The following TRAF3 variants were observed in gnomAD, a reference collection of about 807,000 sequenced individuals.
TRAF3 encodes the protein TNF receptor-associated factor 3.
Under a neutral mutation model 62.3 loss-of-function variants are expected in TRAF3, and 13 were observed. That is an observed-to-expected ratio of 0.21 (90% CI 0.14 to 0.33). The LOEUF (loss-of-function observed/expected upper bound fraction) is 0.33, where lower values mean the gene tolerates loss of function less well. TRAF3 is among the 10% of genes least tolerant of loss of function. TRAF3 has a pLI of 1.00. For missense variants in TRAF3, 440 were observed against 741.8 expected (o/e 0.59, Z 4.73); for synonymous variants, 269 against 283.4 (o/e 0.95, Z 0.51).
intron 6 of TRAF3, among the ~76,000 whole-genome samples, chr14:102,883,552 ATGGGTGTTCACTATG>A (rs1368601902): frequency 6.6e-6 from 1 of 151,944 alleles, no homozygotes; most frequent in East Asian, 1.9e-4. Flanking sequence ...TGTTGGCTTC[ATGGGTGTTCACTATG>A]TAGTTATGCT....
At position 102,870,269 on chromosome 14, in the gene TRAF3, C is replaced by T. The variant is rs774134145; in HGVS notation, c.68C>T (p.Thr23Ile). 1 of 1,614,240 alleles carries T rather than the reference C, an allele frequency of 6.2e-7. No homozygotes were observed. Among genetic ancestry groups the T allele is most frequent in the East Asian group, 2.2e-5 (1 of 44,878 alleles). Residue 23 changes from threonine to isoleucine, a missense_variant, in exon 3 of 12, where the codon ACT becomes ATT. Thr to Ile is a moderately conservative substitution (Grantham distance 89). Transcript: ENST00000392745. ...ACTAACCCGCCGCTAAAGCTGCACACTGACCGCAGTGCTGGGACGCCAGTT... is the reference window on the plus strand; with the variant it reads ...ACTAACCCGCCGCTAAAGCTGCACATTGACCGCAGTGCTGGGACGCCAGTT... ...LQTNPPLKLH[T>I]DRSAGTPVFV...
At chr14:102,846,959 T>C (rs1595358737) in intron 2 of TRAF3, among the ~76,000 whole-genome samples, 1 of 152,340 alleles carries the variant, frequency 6.6e-6, no homozygotes, top group Non-Finnish European at 1.5e-5. Context: ...CTGGTATTTA[T>C]GTAATAACTT....
chr14:102,900,841 A>G (rs1890259199), intron 10 of TRAF3, among the ~76,000 whole-genome samples: 1 of 152,230 alleles, frequency 6.6e-6, no homozygotes, highest in Non-Finnish European at 1.5e-5. Flanking sequence ...GTTGATGTGG[A>G]GTGCAGTCTG....
chr14:102,864,610 T>G (rs1887876075), intron 2 of TRAF3, among the ~76,000 whole-genome samples: 1 of 152,202 alleles, frequency 6.6e-6, no homozygotes, highest in South Asian at 2.1e-4. Context: ...ACGTACACCT[T>G]ACTTGGTTAC....
intron 9 of TRAF3, 117 bp from the exon 10 acceptor site, chr14:102,897,144 C>A: frequency 1.0e-6 from 1 of 988,372 alleles, no homozygotes; most frequent in Non-Finnish European, 1.5e-6. Context: ...TTTTTTTCTT[C>A]TGAAACTCTG....
At chr14:102,835,213 C>T (rs192098627) in intron 2 of TRAF3, among the ~76,000 whole-genome samples, 22 of 151,660 alleles carry the variant, frequency 1.5e-4, no homozygotes, top group African/African-American at 5.3e-4. Context: ...TAGCATCTCA[C>T]ACCAGTCAGA....
chr14:102,805,066 G>C (rs1898688310), intron 1 of TRAF3, among the ~76,000 whole-genome samples: 1 of 152,130 alleles, frequency 6.6e-6, no homozygotes, highest in African/African-American at 2.4e-5. Context: ...CTTGCCTTCA[G>C]TTTTCTTTCC....
intron 2 of TRAF3, among the ~76,000 whole-genome samples, chr14:102,855,457 G>A (rs1887304626): frequency 6.6e-6 from 1 of 151,944 alleles, no homozygotes; most frequent in African/African-American, 2.4e-5. Flanking sequence ...AGTATATGAG[G>A]GTTTCAGTTT....
intron 1 of TRAF3, among the ~76,000 whole-genome samples, chr14:102,788,618 T>C (rs1341425077): frequency 1.3e-5 from 2 of 152,088 alleles, no homozygotes; most frequent in Non-Finnish European, 2.9e-5. Context: ...GCCAACATGG[T>C]GAAACCCCGT....
intron 1 of TRAF3, among the ~76,000 whole-genome samples, chr14:102,798,712 T>G (rs1898231247): frequency 6.6e-6 from 1 of 152,080 alleles, no homozygotes; most frequent in Non-Finnish European, 1.5e-5. Context: ...TAGGTTCAGG[T>G]GATCCTCCTG....
intron 9 of TRAF3, 124 bp downstream of exon 9, chr14:102,891,541 A>C (rs1256366458): frequency 9.3e-7 from 1 of 1,079,860 alleles, no homozygotes; most frequent in African/African-American, 1.6e-5. Flanking sequence ...GAATGTCAAA[A>C]AAAACTCTGT....
chr14:102,803,313 C>T (rs1898558617), intron 1 of TRAF3, among the ~76,000 whole-genome samples: 1 of 152,108 alleles, frequency 6.6e-6, no homozygotes, highest in African/African-American at 2.4e-5. Context: ...TCTTTTCACC[C>T]AGATGGTGCA....
intron 10 of TRAF3, among the ~76,000 whole-genome samples, chr14:102,901,324 T>A (rs1056646646): frequency 5.3e-5 from 8 of 152,184 alleles, no homozygotes; most frequent in African/African-American, 1.9e-4. Context: ...TGGGCCACCC[T>A]GCCTGGGACT....
chr14:102,899,318 G>A (rs1017216352), intron 10 of TRAF3, among the ~76,000 whole-genome samples: 1 of 152,160 alleles, frequency 6.6e-6, no homozygotes, highest in Non-Finnish European at 1.5e-5. Context: ...GGAGCTGCAC[G>A]GGGCCAGGCC....
At chr14:102,839,577 T>G (rs1886252300) in intron 2 of TRAF3, among the ~76,000 whole-genome samples, 1 of 152,182 alleles carries the variant, frequency 6.6e-6, no homozygotes, top group Non-Finnish European at 1.5e-5. Flanking sequence ...CTTTCAACAG[T>G]GAAGAAATTG....
intron 9 of TRAF3, 119 bp downstream of exon 9, chr14:102,891,536 T>TA: frequency 8.8e-7 from 1 of 1,137,660 alleles, no homozygotes; most frequent in African/African-American, 1.6e-5. Context: ...CAAGAGAATG[T>TA]CAAAAAAAAC....
intron 9 of TRAF3, among the ~76,000 whole-genome samples, chr14:102,893,233 T>A (rs1363025799): frequency 5.4e-5 from 8 of 148,728 alleles, no homozygotes; most frequent in Non-Finnish European, 8.9e-5. Flanking sequence ...AAAAAAAAAA[T>A]ACAAAAATTA....
intron 1 of TRAF3, among the ~76,000 whole-genome samples, chr14:102,794,545 C>G (rs1302403950): frequency 6.6e-6 from 1 of 152,162 alleles, no homozygotes; most frequent in East Asian, 1.9e-4. Context: ...CTGCCATGTT[C>G]TAAAAAGACA....
Position 102,820,213 on chromosome 14 carries a change from A to G in TRAF3, c.-156-10121A>G, listed in dbSNP as rs780196004. On this transcript the variant is annotated intron_variant, in intron 1 of 11. Coordinates refer to ENST00000392745, the MANE Select transcript of TRAF3 (RefSeq NM_145725.3). ...GGCACTGCATTGTGACGCAGGGTCAAATGTGTCCCTCTCAGAGTGTAGGAG... is the reference window on the plus strand; with the variant it reads ...GGCACTGCATTGTGACGCAGGGTCAGATGTGTCCCTCTCAGAGTGTAGGAG... Among the ~76,000 whole-genome samples the G allele has an allele frequency of 1.4e-3, 215 of 152,206 alleles. 1 individual carries two copies. The highest frequency in any genetic ancestry group is 2.0e-3 in the Non-Finnish European group (134 of 67,998).
Sources: allele counts gnomAD v4.1 joint callset (sites outside exome capture counted in the v4.1 genomes callset), GRCh38; gene constraint gnomAD v4.1.1; transcripts MANE v1.5; gene names NCBI Gene and HGNC (gene_info 2026-07-23, HGNC 2026-07-21).